The following SERAC1 variants were observed in gnomAD, a reference collection of about 807,000 sequenced individuals.
SERAC1 encodes the protein protein SERAC1.
A neutral mutation model predicts 85.7 loss-of-function variants in SERAC1; 36 were observed. The observed-to-expected ratio is 0.42, with a 90% confidence interval of 0.32 to 0.55. The LOEUF is 0.55. Among genes scored for constraint, SERAC1 ranks in the 20% least tolerant of loss-of-function variants. The pLI, the probability that SERAC1 is intolerant of heterozygous loss-of-function variation, is 0.11. For missense variants in SERAC1, 629 were observed against 796.2 expected (o/e 0.79, Z 2.53); for synonymous variants, 242 against 265.3 (o/e 0.91, Z 0.85).
chr6:158,129,735 C>T (rs1463731336), intron 9 of SERAC1, among the ~76,000 whole-genome samples: 2 of 145,080 alleles, frequency 1.4e-5, no homozygotes, highest in African/African-American at 2.6e-5. Context: ...CTTGCTCTGT[C>T]GCCCAGGCTG....
intron 3 of SERAC1, chr6:158,152,659 T>C (rs1054369792): frequency 9.9e-5 from 15 of 152,266 alleles, no homozygotes; most frequent in African/African-American, 2.7e-4. Context: ...AAGTGCCCTA[T>C]ATAAGTGTAC....
intron 1 of SERAC1, among the ~76,000 whole-genome samples, chr6:158,167,027 A>T (rs1747746245): frequency 6.6e-6 from 1 of 152,026 alleles, no homozygotes; most frequent in Non-Finnish European, 1.5e-5. Context: ...GATGAGATCA[A>T]GGAAGAGAAT....
chr6:158,139,009 G>T (rs1784858972), intron 8 of SERAC1, among the ~76,000 whole-genome samples: 1 of 152,164 alleles, frequency 6.6e-6, no homozygotes, highest in South Asian at 2.1e-4. Context: ...CTGGGTTCAA[G>T]TGATCCTCCT....
intron 3 of SERAC1, chr6:158,152,878 T>C (rs1362657255): frequency 6.6e-5 from 10 of 152,160 alleles, no homozygotes; most frequent in Admixed American, 2.6e-4. Flanking sequence ...TCTGTGATGA[T>C]TGCACAACAA....
intron 9 of SERAC1, among the ~76,000 whole-genome samples, chr6:158,128,723 C>T (rs1784602756): frequency 6.6e-6 from 1 of 152,166 alleles, no homozygotes; most frequent in Non-Finnish European, 1.5e-5. Context: ...AGACCAGTGA[C>T]CTCTGTGGCC....
In SERAC1 at chr6:158,117,510, G is replaced by A. The variant is rs1784318310; in HGVS notation, c.1403+217C>T. On this transcript the variant is annotated intron_variant, in intron 13 of 16. Transcript: ENST00000647468. This position sits in a 1 kb window ranked among gnomAD's most constrained non-coding sequence, Gnocchi z 4.3. Reference sequence around the variant, plus strand: ...AACAGTTGTAAATAAACCATGTTAGGAGCCCACCATTGGTGATATACCTAA... The same window carrying A: ...AACAGTTGTAAATAAACCATGTTAGAAGCCCACCATTGGTGATATACCTAA... 6.5e-7 allele frequency: 1 copy of A among 1,550,128 alleles called. No individual in the cohort carries two copies. Among genetic ancestry groups the A allele is most frequent in the Non-Finnish European group, 8.7e-7 (1 of 1,146,642 alleles).
intron 8 of SERAC1, among the ~76,000 whole-genome samples, chr6:158,138,109 T>G (rs772804339): frequency 3.3e-5 from 5 of 152,058 alleles, no homozygotes; most frequent in Non-Finnish European, 7.4e-5. Context: ...TTTAAACTAC[T>G]GGCTGAGGCC....
intron 15 of SERAC1, 193 bp downstream of exon 15, chr6:158,114,596 T>TA: frequency 1.6e-6 from 2 of 1,269,132 alleles, no homozygotes; most frequent in South Asian, 5.3e-5. Context: ...CTTGAGTAAA[T>TA]AATGGCTTAA....
Position 158,126,872 on chromosome 6 carries a change from A to G in SERAC1, c.1015+1236T>C, listed in dbSNP as rs147418405. Among the ~76,000 whole-genome samples, 590 of 152,182 alleles carry G rather than the reference A, an allele frequency of 3.9e-3. 6 individuals carry two copies. Among genetic ancestry groups the G allele is most frequent in the African/African-American group, 0.014 (565 of 41,508 alleles). On this transcript the variant is annotated intron_variant, in intron 10 of 16. Coordinates refer to ENST00000647468, the MANE Select transcript of SERAC1 (RefSeq NM_032861.4). ...TCGAGACCAACCTAGGCAACAAAGT[A>G]GGACCCCCGTCTCTACAAAAAGTTT...
At chr6:158,142,545 C>T (rs1350446483) in intron 8 of SERAC1, among the ~76,000 whole-genome samples, 8 of 151,516 alleles carry the variant, frequency 5.3e-5, no homozygotes, top group African/African-American at 1.2e-4. Flanking sequence ...GGCACAGTCT[C>T]GGCTCACTGC....
At chr6:158,129,843 GCAC>G (rs370414467) in intron 9 of SERAC1, among the ~76,000 whole-genome samples, 47 of 151,934 alleles carry the variant, frequency 3.1e-4, no homozygotes, top group African/African-American at 1.1e-3. Context: ...TTACAGGTGC[GCAC>G]CACCACACCT....
rs1420307127 is a variant in SERAC1 at position 158,143,329 on chromosome 6, CTCTCTCTCTCTCTCTCTCTATATATATA to C, written c.610-173_610-146del. 2.6e-3 allele frequency: 571 copies of C among 219,866 alleles called. 1 individual carries two copies. Among genetic ancestry groups the C allele is most frequent in the African/African-American group, 0.016 (282 of 17,540 alleles). 13.6% of individuals were successfully genotyped at this position (219,866 alleles called of 1,614,324 possible). ...TGTCTCTCTCTCTCTCTCTCTCTCTCTCTCTCTCTCTCTCTCTCTATATATATATATATATATATATATATACACACAC... is the reference window on the plus strand; with the variant it reads ...TGTCTCTCTCTCTCTCTCTCTCTCTCTATATATATATATATATACACACAC... On this transcript the variant is annotated intron_variant, in intron 7 of 16. Transcript: ENST00000647468.
chr6:158,133,837 GT>G (rs1784735551), intron 8 of SERAC1, among the ~76,000 whole-genome samples: 1 of 152,140 alleles, frequency 6.6e-6, no homozygotes, highest in Admixed American at 6.5e-5. Flanking sequence ...GGCAGGTAGG[GT>G]GTAAACTTGG....
In SERAC1 at chr6:158,150,478, A is replaced by C; in HGVS notation, c.240T>G (p.Val80=). The change falls in exon 4 of 17, where the codon GTT becomes GTG. Residue 80 remains valine, a synonymous_variant. Coordinates refer to ENST00000647468, the MANE Select transcript of SERAC1 (RefSeq NM_032861.4). ...KMKSYIYVHT[V]SLDKGENHGI... ...CATGATTTTCTCCTTTGTCTAAAGA[A>C]ACTGTGTGCACATATATATATGACT... is the stretch of plus-strand genomic sequence containing the variant. The C allele has an allele frequency of 6.4e-7, 1 of 1,574,014 alleles. No homozygotes were observed. Among genetic ancestry groups the C allele is most frequent in the Non-Finnish European group, 8.7e-7 (1 of 1,145,490 alleles).
At chr6:158,150,961 A>G (rs1038461092) in intron 3 of SERAC1, 1 of 168,594 alleles carries the variant, frequency 5.9e-6, no homozygotes, top group African/African-American at 2.4e-5. Context: ...AATACTTGAT[A>G]ATAATAAATG....
intron 3 of SERAC1, 63 bp from the exon 4 acceptor site, chr6:158,150,652 C>G: frequency 8.3e-7 from 1 of 1,201,580 alleles, no homozygotes; most frequent in Non-Finnish European, 1.2e-6. Flanking sequence ...AAGAGCTACT[C>G]TTCTCTATTA....
intron 10 of SERAC1, among the ~76,000 whole-genome samples, chr6:158,124,786 CACAT>C (rs201339719): frequency 0.072 from 6,912 of 95,496 alleles, 188 homozygotes; most frequent in East Asian, 0.17. Context: ...CACACACACA[CACAT>C]ACACACTCAA....
At chr6:158,145,015 G>C (rs1447091463) in intron 6 of SERAC1, among the ~76,000 whole-genome samples, 2 of 152,110 alleles carry the variant, frequency 1.3e-5, no homozygotes, top group African/African-American at 4.8e-5. Flanking sequence ...AAGCCGAGGC[G>C]GGCGGATCAT....
chr6:158,114,716 A>ATATAAAATGAGATAATACATTCAAGGAG, intron 15 of SERAC1, 73 bp downstream of exon 15: 1 of 1,594,662 alleles, frequency 6.3e-7, no homozygotes, highest in African/African-American at 1.3e-5. Flanking sequence ...CATTCAAGGA[A>ATATAAAATGAGATAATACATTCAAGGAG]GAAACTTTTT....
Sources: gnomAD v4.1 joint callset for allele counts (sites outside exome capture counted in the v4.1 genomes callset) on GRCh38, gnomAD v4.1.1 for gene constraint, Gnocchi (gnomAD v3.1) non-coding constraint, MANE v1.5 for transcripts, NCBI Gene and HGNC (gene_info 2026-07-23, HGNC 2026-07-21) for gene names.